TMC5: variants seen among roughly 807,000 people sequenced by gnomAD.
The protein encoded by TMC5 is transmembrane channel like 5, also known as transmembrane channel-like protein 5.
A neutral mutation model predicts 110.5 loss-of-function variants in TMC5; 86 were observed. The observed-to-expected ratio is 0.78, with a 90% CI of 0.65 to 0.93. The LOEUF (loss-of-function observed/expected upper bound fraction) is 0.93. TMC5 is among the 40% of genes least tolerant of loss of function. TMC5 has a pLI of 0.00. For missense variants in TMC5, 1,144 were observed against 1,222.8 expected (o/e 0.94, Z 0.96); for synonymous variants, 455 against 439.5 (o/e 1.04, Z -0.44).
intron 15 of TMC5, 134 bp downstream of exon 15, chr16:19,481,599 C>T (rs556788308): frequency 4.7e-5 from 32 of 679,002 alleles, no homozygotes; most frequent in African/African-American, 4.7e-4. Flanking sequence ...GTCTGAGAAC[C>T]ATGAATTTAG....
At chr16:19,452,049 T>C (rs1967761891) in intron 5 of TMC5, among the ~76,000 whole-genome samples, 1 of 152,104 alleles carries the variant, frequency 6.6e-6, no homozygotes, top group Non-Finnish European at 1.5e-5. Context: ...TCTGCCCACC[T>C]CGGCTTCCCA....
intron 21 of TMC5, among the ~76,000 whole-genome samples, chr16:19,497,694 C>T (rs901226732): frequency 5.9e-5 from 9 of 152,056 alleles, no homozygotes; most frequent in African/African-American, 1.9e-4. Context: ...GCCAGGAGAG[C>T]GAATTCTGGG....
intron 2 of TMC5, among the ~76,000 whole-genome samples, chr16:19,433,309 A>T (rs1202135407): frequency 1.3e-5 from 2 of 152,212 alleles, no homozygotes; most frequent in South Asian, 4.1e-4. Context: ...TTCCCATGGC[A>T]GTGGAAGGGG....
chr16:19,451,195 G>A (rs1022140506), intron 5 of TMC5, among the ~76,000 whole-genome samples: 6 of 152,096 alleles, frequency 3.9e-5, no homozygotes, highest in African/African-American at 1.4e-4. Context: ...ACTAGGGAGT[G>A]CTGGAGCCAC....
intron 6 of TMC5, 78 bp downstream of exon 6, chr16:19,460,412 A>G (rs1205939275): frequency 9.7e-7 from 1 of 1,030,594 alleles, no homozygotes; most frequent in Non-Finnish European, 1.4e-6. Flanking sequence ...TCTCAAAAAG[A>G]TAAGAAATAA....
intron 1 of TMC5, among the ~76,000 whole-genome samples, chr16:19,424,365 G>T (rs962377794): frequency 1.3e-5 from 2 of 152,152 alleles, no homozygotes; most frequent in Non-Finnish European, 2.9e-5. Flanking sequence ...TAAAGAATAT[G>T]ATATGCTGGG....
intron 1 of TMC5, among the ~76,000 whole-genome samples, chr16:19,429,488 G>A (rs76045039): frequency 6.6e-6 from 1 of 152,284 alleles, no homozygotes; most frequent in East Asian, 1.9e-4. Context: ...CACATTCCCA[G>A]AAAGAGCAAT....
intron 1 of TMC5, among the ~76,000 whole-genome samples, chr16:19,419,956 C>A (rs1379563608): frequency 1.3e-5 from 2 of 152,130 alleles, no homozygotes; most frequent in African/African-American, 4.8e-5. Flanking sequence ...GAATGCTAAT[C>A]ATCAGTTATG....
At chr16:19,458,422 A>G (rs1967940864) in intron 5 of TMC5, among the ~76,000 whole-genome samples, 1 of 152,006 alleles carries the variant, frequency 6.6e-6, no homozygotes, top group African/African-American at 2.4e-5. Context: ...CATGTTGGCC[A>G]GGCTGGTCTT....
At chr16:19,448,317 C>T (rs1246555236) in intron 4 of TMC5, among the ~76,000 whole-genome samples, 1 of 151,810 alleles carries the variant, frequency 6.6e-6, no homozygotes, top group African/African-American at 2.4e-5. Context: ...CACACACACA[C>T]ACACACACAC....
upstream of TMC5, among the ~76,000 whole-genome samples, chr16:19,417,111 A>AAAAC (rs1217242260): frequency 6.7e-6 from 1 of 149,478 alleles, no homozygotes; most frequent in East Asian, 2.0e-4. Context: ...AAAAAAAAAA[A>AAAAC]AAAGAAGAAA....
At chr16:19,454,984 A>G (rs940341225) in intron 5 of TMC5, among the ~76,000 whole-genome samples, 1 of 151,808 alleles carries the variant, frequency 6.6e-6, no homozygotes, top group African/African-American at 2.4e-5. Flanking sequence ...TTAAAAAAAA[A>G]CAAATAGCTG....
intron 1 of TMC5, among the ~76,000 whole-genome samples, chr16:19,420,095 G>C (rs1843856307): frequency 6.6e-6 from 1 of 151,984 alleles, no homozygotes; most frequent in Admixed American, 6.6e-5. Flanking sequence ...CTAAGTAGCT[G>C]GGACTACAGG....
chr16:19,456,990 C>G (rs1344592303), intron 5 of TMC5: 3 of 1,611,996 alleles, frequency 1.9e-6, no homozygotes, highest in Middle Eastern at 1.7e-4. Flanking sequence ...ATAGACACTC[C>G]TGGTTCTTCA....
rs141330921 is a variant in TMC5 at position 19,469,062 on chromosome 16, C to A, written c.1638-619C>A. Among the ~76,000 whole-genome samples the A allele has an allele frequency of 1.8e-3, 269 of 152,232 alleles. 2 individuals are homozygous for A. The highest frequency in any genetic ancestry group is 5.6e-3 in the African/African-American group (233 of 41,554). On this transcript the variant is annotated intron_variant, in intron 9 of 21. Transcript: ENST00000542583. Reference sequence around the variant, plus strand: ...TCTGATCTCTAGAAGGGTAAAAGAACAAATTTGTGTTGTTTTTAGCCGCTA... The same window carrying A: ...TCTGATCTCTAGAAGGGTAAAAGAAAAAATTTGTGTTGTTTTTAGCCGCTA...
rs563230178 is a variant in TMC5 at position 19,493,466 on chromosome 16, T to TCTCTTTCTCTCTCTCTTTC, written c.2827-796_2827-795insCTCTTTCTCTCTCTCTTTC. Among the ~76,000 whole-genome samples, 11 of 124,498 alleles carry TCTCTTTCTCTCTCTCTTTC rather than the reference T, an allele frequency of 8.8e-5. No homozygotes were observed. The South Asian group carries it at 1.4e-3, about 15-fold the overall frequency. 81.7% of individuals were successfully genotyped at this position (124,498 alleles called of 152,430 possible). A position where few individuals can be genotyped will look rare whatever the true frequency, so the allele number is the denominator to read the frequency against. On this transcript the variant is annotated intron_variant, in intron 19 of 21. Transcript: ENST00000542583. ...TAATGTCTCTCTCTCTCTCTCTCTC[T>TCTCTTTCTCTCTCTCTTTC]TTTTTTTTTTTTGAGACAGAATCTC...
intron 1 of TMC5, among the ~76,000 whole-genome samples, chr16:19,427,700 T>C (rs1416058002): frequency 1.3e-5 from 2 of 151,900 alleles, no homozygotes; most frequent in African/African-American, 2.4e-5. Flanking sequence ...TTGTACATTT[T>C]AGGATGTTTA....
upstream of TMC5, among the ~76,000 whole-genome samples, chr16:19,415,632 C>T (rs1049626977): frequency 3.9e-5 from 6 of 152,190 alleles, no homozygotes; most frequent in Non-Finnish European, 8.8e-5. Context: ...GCCAGGAGCT[C>T]GTTTGGCGCA....
At chr16:19,413,048 TG>T (rs1162246596), upstream of TMC5, among the ~76,000 whole-genome samples, 4 of 152,094 alleles carry the variant, frequency 2.6e-5, no homozygotes, top group African/African-American at 4.8e-5. Flanking sequence ...CTGGCTGTGT[TG>T]CCCAGGCTGG....
Sources: gnomAD v4.1 joint callset for allele counts (sites outside exome capture counted in the v4.1 genomes callset) on GRCh38, gnomAD v4.1.1 for gene constraint, MANE v1.5 for transcripts, NCBI Gene and HGNC (gene_info 2026-07-23, HGNC 2026-07-21) for gene names.